Variants in TEX36 observed in about 807,000 individuals in gnomAD.
TEX36 encodes the protein testis-expressed protein 36.
Under a neutral mutation model 13.6 loss-of-function variants are expected in TEX36, and 12 were observed. The observed-to-expected ratio is 0.88, with a 90% CI of 0.56 to 1.43. The LOEUF (loss-of-function observed/expected upper bound fraction) is 1.43, where lower values mean the gene tolerates loss of function less well. Ranked by LOEUF, TEX36 falls within the 40% of genes most tolerant of loss-of-function variation. The probability of loss-of-function intolerance (pLI) is 0.00; values close to 1 mark genes in which losing one functional copy is unlikely to be tolerated. For synonymous variants in TEX36, 93 were observed against 83.0 expected, an observed-to-expected ratio of 1.12 and a Z score of -0.65; for missense variants, 224 against 228.3, an observed-to-expected ratio of 0.98 and a Z score of 0.12.
chr10:125,634,355 G>A lies in TEX36; in HGVS notation c.265-12710C>T, dbSNP rs576996452. Among the ~76,000 whole-genome samples, 12 of 152,240 alleles carry A rather than the reference G, an allele frequency of 7.9e-5. No homozygotes were observed. The South Asian group carries it at 1.9e-3, about 24-fold the overall frequency. On this transcript the variant is annotated intron_variant, in intron 3 of 3. Coordinates refer to the TEX36 transcript ENST00000526819. ...ACCTCCACACATTTGATGTCATTCC[G>A]GAGAGGGTAGGTTGTTATGACAAGT... is the stretch of plus-strand genomic sequence containing the variant.
intron 1 of TEX36, among the ~76,000 whole-genome samples, chr10:125,681,378 T>A (rs1847389854): frequency 6.6e-6 from 1 of 152,260 alleles, no homozygotes; most frequent in Admixed American, 6.5e-5. Flanking sequence ...GGCTAACAAT[T>A]GTAACTGATA....
At chr10:125,613,644 T>C (rs1025256914) in intron 3 of TEX36, among the ~76,000 whole-genome samples, 15 of 151,942 alleles carry the variant, frequency 9.9e-5, no homozygotes, top group African/African-American at 3.6e-4. Context: ...TATTCCATGG[T>C]GTATATGTGC....
At chr10:125,609,787 CT>C (rs1156707328) in intron 3 of TEX36, among the ~76,000 whole-genome samples, 1 of 152,218 alleles carries the variant, frequency 6.6e-6, no homozygotes, top group Non-Finnish European at 1.5e-5. Flanking sequence ...TTGGTTTCTC[CT>C]GAGAATTACC....
downstream of TEX36, among the ~76,000 whole-genome samples, chr10:125,653,166 T>A (rs1374623845): frequency 6.6e-6 from 1 of 152,184 alleles, no homozygotes. Context: ...TAAATCATGC[T>A]GCTATAAAGA....
chr10:125,677,129 T>C (rs1336135186), intron 1 of TEX36, among the ~76,000 whole-genome samples: 1 of 152,202 alleles, frequency 6.6e-6, no homozygotes, highest in South Asian at 2.1e-4. Context: ...TTTTAAAAAA[T>C]TTGTTCTGTA....
At chr10:125,607,765 C>A (rs1846233548) in intron 3 of TEX36, among the ~76,000 whole-genome samples, 1 of 151,982 alleles carries the variant, frequency 6.6e-6, no homozygotes, top group Non-Finnish European at 1.5e-5. Flanking sequence ...AGTCAGTGCT[C>A]AATAAATATT....
At chr10:125,622,467 A>G (rs1846438149) in intron 3 of TEX36, among the ~76,000 whole-genome samples, 1 of 152,150 alleles carries the variant, frequency 6.6e-6, no homozygotes, top group South Asian at 2.1e-4. Context: ...ATTGATGACT[A>G]CCTTCTTCTA....
intron 3 of TEX36, among the ~76,000 whole-genome samples, chr10:125,587,920 A>G (rs74980923): frequency 0.012 from 1,770 of 152,172 alleles, 39 homozygotes; most frequent in African/African-American, 0.04. Flanking sequence ...TCATTTTGCA[A>G]TGTATCTTGG....
At chr10:125,588,270 T>C (rs1044587474) in intron 3 of TEX36, among the ~76,000 whole-genome samples, 13 of 152,374 alleles carry the variant, frequency 8.5e-5, no homozygotes, top group Admixed American at 5.9e-4. Context: ...CAGTGTGGTA[T>C]TGACTTTCTC....
downstream of TEX36, among the ~76,000 whole-genome samples, chr10:125,619,595 C>T (rs915193476): frequency 5.9e-5 from 9 of 152,052 alleles, no homozygotes; most frequent in African/African-American, 9.7e-5. Context: ...CTGTAGCCCA[C>T]GCTGGAGTGC....
Position 125,667,377 on chromosome 10 carries a change from G to C in TEX36, c.52-5400C>G, listed in dbSNP as rs116719224. 1.3e-3 allele frequency: 838 copies of C among 650,136 alleles called. 4 individuals carry two copies. The highest frequency in any genetic ancestry group is 0.012 in the African/African-American group (643 of 55,542). 40.3% of individuals were successfully genotyped at this position (650,136 alleles called of 1,614,324 possible). A position where few individuals can be genotyped will look rare whatever the true frequency, so the allele number is the denominator to read the frequency against. ...TTCAAGTCATGGTCCCCATTAGGGG[G>C]GATCTCAGGCTCCGCAATGGGCACA... On this transcript the variant is annotated intron_variant, in intron 1 of 3. Transcript: ENST00000368821.
chr10:125,649,982 C>T (rs1846828738), intron 3 of TEX36, among the ~76,000 whole-genome samples: 1 of 152,148 alleles, frequency 6.6e-6, no homozygotes, highest in South Asian at 2.1e-4. Flanking sequence ...TACAGGAGCA[C>T]CCAGATTCAC....
chr10:125,615,084 G>T (rs1399099440), intron 3 of TEX36, among the ~76,000 whole-genome samples: 4 of 152,262 alleles, frequency 2.6e-5, no homozygotes, highest in African/African-American at 9.6e-5. Flanking sequence ...CTCTCCGTTT[G>T]TCTGTTGTTG....
intron 1 of TEX36, among the ~76,000 whole-genome samples, chr10:125,682,052 C>T (rs374965796): frequency 6.6e-6 from 1 of 152,192 alleles, no homozygotes; most frequent in Non-Finnish European, 1.5e-5. Context: ...AAGAAGTCGA[C>T]GTCAGGTTTT....
chr10:125,629,875 C>T (rs1846530813), intron 3 of TEX36, among the ~76,000 whole-genome samples: 2 of 151,990 alleles, frequency 1.3e-5, no homozygotes, highest in Admixed American at 1.3e-4. Flanking sequence ...TACACCTGCC[C>T]TTTGGATGAA....
intron 1 of TEX36, among the ~76,000 whole-genome samples, chr10:125,674,477 C>T (rs1229132153): frequency 6.6e-6 from 1 of 152,176 alleles, no homozygotes; most frequent in Non-Finnish European, 1.5e-5. Context: ...AGAGGTGTTG[C>T]CATCATTTAG....
intron 3 of TEX36, chr10:125,576,937 G>A (rs1845831709): frequency 8.5e-6 from 13 of 1,530,684 alleles, no homozygotes; most frequent in Non-Finnish European, 1.1e-5. Context: ...TTGTAGTTCA[G>A]CAATCAGAGA....
chr10:125,649,332 G>C (rs1387415902), intron 3 of TEX36, among the ~76,000 whole-genome samples: 2 of 152,192 alleles, frequency 1.3e-5, no homozygotes, highest in African/African-American at 4.8e-5. Context: ...CAAGCCAGAA[G>C]AGAGTGGGGG....
intron 3 of TEX36, among the ~76,000 whole-genome samples, chr10:125,629,700 G>A (rs958501012): frequency 6.6e-6 from 1 of 152,104 alleles, no homozygotes; most frequent in African/African-American, 2.4e-5. Context: ...AACTGTTAGG[G>A]ATGAAGGCCT....
Sources: allele counts gnomAD v4.1 joint callset (sites outside exome capture counted in the v4.1 genomes callset), GRCh38; gene constraint gnomAD v4.1.1; transcripts MANE v1.5; gene names NCBI Gene and HGNC (gene_info 2026-07-23, HGNC 2026-07-21).